Variants in FSIP1 observed in about 807,000 individuals in gnomAD.
FSIP1 encodes the protein fibrous sheath-interacting protein 1.
FSIP1 carries 65 observed loss-of-function variants against 60.9 expected under a neutral mutation model. The ratio of observed to expected loss-of-function variants is 1.07; its 90% CI spans 0.87 to 1.31. FSIP1 has a LOEUF of 1.31. FSIP1 is among the 40% of genes most tolerant of loss of function. FSIP1 has a pLI of 0.00. For synonymous variants in FSIP1, 209 were observed against 221.2 expected (o/e 0.94, Z 0.49); for missense variants, 675 against 665.5 (o/e 1.01, Z -0.16).
chr15:39,646,481 C>T (rs887883578), intron 10 of FSIP1, among the ~76,000 whole-genome samples: 1 of 122,976 alleles, frequency 8.1e-6, no homozygotes, highest in Admixed American at 1.1e-4. Flanking sequence ...GCCAGGAGTT[C>T]GAGACAGGCC....
chr15:39,640,524 G>C (rs905650562), intron 10 of FSIP1, among the ~76,000 whole-genome samples: 2 of 152,162 alleles, frequency 1.3e-5, no homozygotes, highest in African/African-American at 2.4e-5. Flanking sequence ...CAGAGGTTCT[G>C]AGTGCCTTGC....
intron 9 of FSIP1, among the ~76,000 whole-genome samples, chr15:39,721,736 T>C (rs1379074206): frequency 6.6e-6 from 1 of 152,230 alleles, no homozygotes; most frequent in East Asian, 1.9e-4. Context: ...GGAGAATCTG[T>C]GCCCCATAGA....
intron 10 of FSIP1, among the ~76,000 whole-genome samples, chr15:39,634,818 C>T (rs900853116): frequency 2.6e-5 from 4 of 152,164 alleles, no homozygotes; most frequent in African/African-American, 7.2e-5. Context: ...GCATCTTACA[C>T]CAAGACATCA....
intron 9 of FSIP1, among the ~76,000 whole-genome samples, chr15:39,715,996 G>C (rs764246989): frequency 3.3e-5 from 5 of 152,082 alleles, no homozygotes; most frequent in African/African-American, 1.2e-4. Flanking sequence ...GCAGAACCGC[G>C]AGCCAATTAA....
intron 5 of FSIP1, among the ~76,000 whole-genome samples, chr15:39,753,881 T>C (rs1897233786): frequency 6.6e-6 from 1 of 152,074 alleles, no homozygotes; most frequent in Non-Finnish European, 1.5e-5. Context: ...ATGTCATTAA[T>C]AACCCTTTAT....
chr15:39,774,499 A>C (rs900963317), intron 2 of FSIP1, among the ~76,000 whole-genome samples: 1 of 151,974 alleles, frequency 6.6e-6, no homozygotes, highest in African/African-American at 2.4e-5. Flanking sequence ...ATACATACAG[A>C]GGAGCAAAAA....
intron 10 of FSIP1, among the ~76,000 whole-genome samples, chr15:39,675,920 T>G (rs1464522947): frequency 6.6e-6 from 1 of 151,860 alleles, no homozygotes; most frequent in African/African-American, 2.4e-5. Flanking sequence ...TCCTAGCGCT[T>G]TGGAAGGCTG....
intron 10 of FSIP1, among the ~76,000 whole-genome samples, chr15:39,623,138 C>T (rs1052393015): frequency 5.9e-5 from 9 of 152,086 alleles, no homozygotes; most frequent in Non-Finnish European, 1.2e-4. Flanking sequence ...CTTGTAATTG[C>T]TGGAGATGGA....
Position 39,639,167 on chromosome 15 carries a change from G to T in FSIP1, c.1189-20922C>A, listed in dbSNP as rs188333465. On this transcript the variant is annotated intron_variant, in intron 10 of 11. Transcript: ENST00000350221. ...TTCCCAACTAACACCAAAGACCAAAGTTCACCATTTTGCTTTTTTCTGAGG... is the reference window on the plus strand; with the variant it reads ...TTCCCAACTAACACCAAAGACCAAATTTCACCATTTTGCTTTTTTCTGAGG... Among the ~76,000 whole-genome samples the T allele has an allele frequency of 1.5e-4, 23 of 152,286 alleles. No homozygotes were observed. The East Asian group carries it at 4.2e-3, about 28-fold the overall frequency.
chr15:39,639,780 G>T (rs1402547554), intron 10 of FSIP1, among the ~76,000 whole-genome samples: 1 of 152,134 alleles, frequency 6.6e-6, no homozygotes, highest in African/African-American at 2.4e-5. Context: ...CAACAGGGAA[G>T]AACGGGGACT....
chr15:39,750,618 TC>T (rs1328766984), intron 5 of FSIP1, among the ~76,000 whole-genome samples: 1 of 151,826 alleles, frequency 6.6e-6, no homozygotes, highest in Non-Finnish European at 1.5e-5. Context: ...TTATCTTACC[TC>T]ATACACAAAA....
intron 2 of FSIP1, among the ~76,000 whole-genome samples, chr15:39,773,439 T>C (rs1286108232): frequency 6.6e-6 from 1 of 152,230 alleles, no homozygotes; most frequent in African/African-American, 2.4e-5. Context: ...GTTTAACCTG[T>C]AGCTTAGTAG....
chr15:39,627,924 A>G (rs1470338338), intron 10 of FSIP1, among the ~76,000 whole-genome samples: 6 of 152,220 alleles, frequency 3.9e-5, no homozygotes, highest in Admixed American at 3.9e-4. Flanking sequence ...AGGGCTCTGA[A>G]GGGCAACTCG....
chr15:39,778,174 A>T (rs907423032), intron 1 of FSIP1, among the ~76,000 whole-genome samples: 2 of 152,210 alleles, frequency 1.3e-5, no homozygotes, highest in African/African-American at 4.8e-5. Context: ...CCTCACATCA[A>T]AACCAAAAAG....
chr15:39,615,524 A>T (rs965257123), intron 11 of FSIP1, among the ~76,000 whole-genome samples: 1 of 152,116 alleles, frequency 6.6e-6, no homozygotes, highest in Admixed American at 6.5e-5. Flanking sequence ...AGCATCATTA[A>T]TCATTAAGAA....
intron 10 of FSIP1, among the ~76,000 whole-genome samples, chr15:39,661,327 A>C: frequency 6.6e-6 from 1 of 152,208 alleles, no homozygotes; most frequent in Non-Finnish European, 1.5e-5. Context: ...TATACAATAG[A>C]TCTGGACAGA....
At chr15:39,710,601 A>G (rs1420637846) in intron 10 of FSIP1, among the ~76,000 whole-genome samples, 1 of 152,238 alleles carries the variant, frequency 6.6e-6, no homozygotes, top group Non-Finnish European at 1.5e-5. Context: ...ATTACTGATT[A>G]TAACAAGTTT....
At chr15:39,704,774 G>A (rs1159991605) in intron 10 of FSIP1, among the ~76,000 whole-genome samples, 1 of 152,032 alleles carries the variant, frequency 6.6e-6, no homozygotes, top group East Asian at 1.9e-4. Context: ...TTCTGACTGG[G>A]GTTCATATAT....
At chr15:39,607,593 T>C (rs1890874120) in intron 11 of FSIP1, among the ~76,000 whole-genome samples, 1 of 152,248 alleles carries the variant, frequency 6.6e-6, no homozygotes, top group Non-Finnish European at 1.5e-5. Context: ...GTGTTTCACA[T>C]TGAAAATTTT....
Sources: gnomAD v4.1 joint callset for allele counts (sites outside exome capture counted in the v4.1 genomes callset) on GRCh38, gnomAD v4.1.1 for gene constraint, MANE v1.5 for transcripts, NCBI Gene and HGNC (gene_info 2026-07-23, HGNC 2026-07-21) for gene names.